Variants in SPATS2L observed in about 807,000 individuals in gnomAD.
The protein encoded by SPATS2L is spermatogenesis associated serine rich 2 like.
In SPATS2L, 30 loss-of-function variants were observed where a neutral mutation model predicts 59.6. The ratio of observed to expected loss-of-function variants is 0.50; its 90% CI spans 0.38 to 0.68. The LOEUF (loss-of-function observed/expected upper bound fraction) is 0.68, where lower values mean the gene tolerates loss of function less well. SPATS2L is among the 30% of genes least tolerant of loss of function. The pLI is 0.00. For synonymous variants in SPATS2L, 252 were observed against 263.5 expected (o/e 0.96, Z 0.42); for missense variants, 615 against 700.0 (o/e 0.88, Z 1.37).
intron 12 of SPATS2L, among the ~76,000 whole-genome samples, chr2:200,475,176 G>C (rs2087417481): frequency 6.6e-6 from 1 of 152,198 alleles, no homozygotes; most frequent in Admixed American, 6.5e-5. Context: ...CTTACAATGT[G>C]GGATGGAGCC....
At chr2:200,316,472 G>A (rs2079382480) in intron 1 of SPATS2L, among the ~76,000 whole-genome samples, 1 of 152,190 alleles carries the variant, frequency 6.6e-6, no homozygotes, top group Admixed American at 6.5e-5. Flanking sequence ...TCCCTCATTC[G>A]CAGGATCTAG....
Position 200,416,428 on chromosome 2 carries a change from G to T in SPATS2L, c.198G>T (p.Lys66Asn). ...LKEWNMTGKK[K>N]NNKRKRSKSK... is the part of the protein sequence containing the mutation. ...AATGGAATATGACAGGAAAAAAGAA[G>T]GTAAGATTAATATTGATTGTAAATT... Residue 66 changes from lysine to asparagine, a missense_variant and splice_region_variant, in exon 5 of 13, where the codon AAG becomes AAT. Coordinates refer to ENST00000409140, the MANE Select transcript of SPATS2L (RefSeq NM_001100423.2). 4 of 1,453,508 alleles carry T rather than the reference G, an allele frequency of 2.8e-6. No individual in the cohort carries two copies. The highest frequency in any genetic ancestry group is 3.7e-6 in the Non-Finnish European group (4 of 1,073,006). 90.0% of individuals were successfully genotyped at this position (1,453,508 alleles called of 1,614,324 possible).
rs569732416 is a variant in SPATS2L, at chr2:200,326,947, A to G, written c.-72-2484A>G. 2.4e-5 allele frequency among the ~76,000 whole-genome samples: 3 copies of G among 122,730 alleles called. No individual in the cohort carries two copies. The East Asian group carries it at 7.1e-4, about 29-fold the overall frequency. 80.5% of individuals were successfully genotyped at this position (122,730 alleles called of 152,430 possible). On this transcript the variant is annotated intron_variant, in intron 1 of 12. Transcript: ENST00000409140. ...TTTTTAGCAGAGTTGGGGTTTTGCC[A>G]TGTTGGCCAGGCTGGTCATGAACTC... is the stretch of plus-strand genomic sequence containing the variant.
intron 2 of SPATS2L, among the ~76,000 whole-genome samples, chr2:200,374,594 C>G (rs920115201): frequency 6.6e-6 from 1 of 152,034 alleles, no homozygotes; most frequent in Non-Finnish European, 1.5e-5. Flanking sequence ...CAGGCACCCT[C>G]TACATGTAGT....
chr2:200,417,135 G>C (rs1262758857), intron 5 of SPATS2L, among the ~76,000 whole-genome samples: 1 of 152,166 alleles, frequency 6.6e-6, no homozygotes, highest in Non-Finnish European at 1.5e-5. Flanking sequence ...ACTCATTCCT[G>C]CTATGACACA....
At chr2:200,437,360 G>A (rs890232959) in intron 6 of SPATS2L, among the ~76,000 whole-genome samples, 1 of 152,128 alleles carries the variant, frequency 6.6e-6, no homozygotes, top group Non-Finnish European at 1.5e-5. Flanking sequence ...ATCTTTTACA[G>A]TAGGGTTTCT....
intron 1 of SPATS2L, among the ~76,000 whole-genome samples, chr2:200,327,922 T>A (rs1011656737): frequency 7.9e-5 from 12 of 152,186 alleles, no homozygotes; most frequent in African/African-American, 2.9e-4. Flanking sequence ...TAGCCATTGG[T>A]ATACTTTATT....
At position 200,473,030 on chromosome 2, in the gene SPATS2L, A is replaced by C; in HGVS notation, c.1259A>C (p.Gln420Pro). 6.2e-7 allele frequency: 1 copy of C among 1,613,412 alleles called. No individual in the cohort carries two copies. Among genetic ancestry groups the C allele is most frequent in the Middle Eastern group, 1.7e-4 (1 of 6,050 alleles). The stretch of plus-strand genomic sequence containing the variant: ...CCCAGCACCGCCGACCCCTCTCACC[A>C]GACCATGCCGGCCAACAAGCAGGTA... ...SLPSTADPSH[Q>P]TMPANKQNGS... The change falls in exon 12 of 13, where the codon CAG (glutamine) becomes CCG (proline). Residue 420 changes from glutamine (Q) to proline (P), a missense_variant. Around this residue, in one of 3 missense-constraint regions of SPATS2L, gnomAD observed 284 missense variants for 280.1 expected, o/e 1.01. Transcript: ENST00000409140.
rs75058685 is a variant in SPATS2L, at chr2:200,395,662, T to G, written c.39+6379T>G. Among the ~76,000 whole-genome samples the G allele has an allele frequency of 3.2e-4, 49 of 152,128 alleles. No individual in the cohort carries two copies. The East Asian group carries it at 9.5e-3, about 29-fold the overall frequency. On this transcript the variant is annotated intron_variant, in intron 3 of 12. Transcript: ENST00000409140. The stretch of plus-strand genomic sequence containing the variant: ...TCTTAACGATATAAACTAGAAAGAA[T>G]CTGGGGGAGCTTATCTGTTTATTTC...
At chr2:200,396,300 T>A (rs2082352654) in intron 3 of SPATS2L, among the ~76,000 whole-genome samples, 1 of 151,718 alleles carries the variant, frequency 6.6e-6, no homozygotes, top group East Asian at 1.9e-4. Flanking sequence ...GTTATAGAGG[T>A]AAATTGGTTT....
At chr2:200,329,881 T>A (rs983319197) in intron 2 of SPATS2L, among the ~76,000 whole-genome samples, 2 of 152,110 alleles carry the variant, frequency 1.3e-5, no homozygotes, top group Non-Finnish European at 2.9e-5. Context: ...TGGCTTTCCC[T>A]CCTCACAGTG....
At chr2:200,441,636 T>C (rs2084706643) in intron 8 of SPATS2L, among the ~76,000 whole-genome samples, 1 of 152,126 alleles carries the variant, frequency 6.6e-6, no homozygotes. Flanking sequence ...ATTCTTGGCT[T>C]TTTTCTTAGG....
intron 3 of SPATS2L, among the ~76,000 whole-genome samples, chr2:200,406,711 T>C (rs2082700224): frequency 6.6e-6 from 1 of 152,264 alleles, no homozygotes; most frequent in Non-Finnish European, 1.5e-5. Flanking sequence ...CAGTGATATA[T>C]TTTAATTTCT....
chr2:200,416,422 A>G lies in SPATS2L; in HGVS notation c.192A>G (p.Lys64=), dbSNP rs2083061608. The G allele has an allele frequency of 4.1e-6, 6 of 1,468,196 alleles. No homozygotes were observed. The highest frequency in any genetic ancestry group is 5.5e-6 in the Non-Finnish European group (6 of 1,084,204). 90.9% of individuals were successfully genotyped at this position (1,468,196 alleles called of 1,614,324 possible). ...TAAAAGAATGGAATATGACAGGAAA[A>G]AAGAAGGTAAGATTAATATTGATTG... is the stretch of plus-strand genomic sequence containing the variant. The part of the protein sequence containing the change: ...QVLKEWNMTG[K]KKNNKRKRSK... Residue 64 remains lysine (K), a synonymous_variant, in exon 5 of 13, where the codon AAA becomes AAG. Transcript: ENST00000409140.
At chr2:200,426,082 C>CTTT (rs769997762) in intron 6 of SPATS2L, among the ~76,000 whole-genome samples, 3 of 62,326 alleles carry the variant, frequency 4.8e-5, no homozygotes, top group African/African-American at 1.9e-4. Flanking sequence ...TAGGTTTTTA[C>CTTT]TTTTTTTTTT....
At chr2:200,477,503 T>G in intron 12 of SPATS2L, 133 bp from the exon 13 acceptor site, 2 of 617,884 alleles carry the variant, frequency 3.2e-6, no homozygotes. Flanking sequence ...GTTTTCTGAT[T>G]CTTCTGGTGT....
At chr2:200,470,084 G>A (rs2106229588) in intron 11 of SPATS2L, 68 bp downstream of exon 11, 1 of 1,321,842 alleles carries the variant, frequency 7.6e-7, no homozygotes, top group East Asian at 2.5e-5. Context: ...GTTGCTATTG[G>A]AAATGTCAGG....
rs2079030597 is a variant in SPATS2L at position 200,306,840 on chromosome 2, A to G, written c.-155A>G. 1 of 980,228 alleles carries G rather than the reference A, an allele frequency of 1.0e-6. No individual in the cohort carries two copies. The highest frequency in any genetic ancestry group is 1.8e-5 in the African/African-American group (1 of 56,562). 60.7% of individuals were successfully genotyped at this position (980,228 alleles called of 1,614,324 possible). ...CGCCCTCCGAGCCGCAGGGGCCGCC[A>G]CCGCCGCGGCGCCTCCCCTGGCGAC... On this transcript the variant is annotated 5_prime_UTR_variant, in exon 1 of 13. Coordinates refer to ENST00000409140, the MANE Select transcript of SPATS2L (RefSeq NM_001100423.2).
chr2:200,401,876 C>G (rs1574403258), intron 3 of SPATS2L, among the ~76,000 whole-genome samples: 2 of 152,244 alleles, frequency 1.3e-5, no homozygotes, highest in South Asian at 4.2e-4. Flanking sequence ...TTCTGGAGCT[C>G]CAGATTTACA....
Sources: gnomAD v4.1 joint callset for allele counts (sites outside exome capture counted in the v4.1 genomes callset) on GRCh38, gnomAD v4.1.1 for gene constraint, gnomAD v4.1.1 regional missense constraint, MANE v1.5 for transcripts, NCBI Gene and HGNC (gene_info 2026-07-23, HGNC 2026-07-21) for gene names.